Variants in TOGARAM1 observed in about 807,000 individuals in gnomAD.
The protein encoded by TOGARAM1 is TOG array regulator of axonemal microtubules 1.
TOGARAM1 carries 100 observed loss-of-function variants against 166.6 expected under a neutral mutation model. The observed-to-expected ratio is 0.60, with a 90% CI of 0.51 to 0.71. The LOEUF (loss-of-function observed/expected upper bound fraction) is 0.71, where lower values mean the gene tolerates loss of function less well. TOGARAM1 is among the 30% of genes least tolerant of loss of function. The pLI is 0.00. For synonymous variants in TOGARAM1, 758 were observed against 763.8 expected, an observed-to-expected ratio of 0.99 and a Z score of 0.13; for missense variants, 2,029 against 2,102.7, an observed-to-expected ratio of 0.96 and a Z score of 0.69.
chr14:45,035,948 G>GA (rs112836134), intron 11 of TOGARAM1, among the ~76,000 whole-genome samples: 119 of 101,526 alleles, frequency 1.2e-3, no homozygotes, highest in Non-Finnish European at 1.7e-3. Flanking sequence ...CTCATCTCTA[G>GA]AAAAAAAAAA....
At chr14:45,028,030 T>C (rs2138910057) in intron 9 of TOGARAM1, 146 bp from the exon 10 acceptor site, 1 of 544,142 alleles carries the variant, frequency 1.8e-6, no homozygotes, top group East Asian at 3.3e-5. Context: ...TATATACATA[T>C]ATATGTATGG....
intron 10 of TOGARAM1, among the ~76,000 whole-genome samples, chr14:45,031,879 G>T (rs530106611): frequency 6.6e-6 from 1 of 152,158 alleles, no homozygotes; most frequent in South Asian, 2.1e-4. Flanking sequence ...AGGACTCTTG[G>T]CCAGGCATGG....
intron 1 of TOGARAM1, among the ~76,000 whole-genome samples, chr14:44,972,101 C>G (rs1159443874): frequency 6.6e-6 from 1 of 152,036 alleles, no homozygotes; most frequent in Non-Finnish European, 1.5e-5. Flanking sequence ...AAGGGGATAT[C>G]CAACCCCATG....
chr14:45,072,840 G>A (rs1475998511), intron 19 of TOGARAM1, among the ~76,000 whole-genome samples: 1 of 151,998 alleles, frequency 6.6e-6, no homozygotes, highest in African/African-American at 2.4e-5. Context: ...TGAATACAAA[G>A]GGCCATAAAA....
chr14:44,975,114 T>C (rs1398924365), intron 1 of TOGARAM1, among the ~76,000 whole-genome samples: 1 of 152,168 alleles, frequency 6.6e-6, no homozygotes, highest in Admixed American at 6.5e-5. Flanking sequence ...ATAATTTTGC[T>C]CCAAATTGCT....
chr14:45,063,532 T>C (rs547530647), intron 16 of TOGARAM1, among the ~76,000 whole-genome samples: 102 of 142,030 alleles, frequency 7.2e-4, no homozygotes, highest in African/African-American at 2.7e-3. Flanking sequence ...TCGCCCAAGG[T>C]GGAGTACAGT....
Position 45,043,743 on chromosome 14 carries a change from G to A in TOGARAM1, c.3870G>A (p.Glu1290=). 6.2e-7 allele frequency: 1 copy of A among 1,613,678 alleles called. No individual in the cohort carries two copies. Among genetic ancestry groups the A allele is most frequent in the Non-Finnish European group, 8.5e-7 (1 of 1,179,696 alleles). ...FIRCLAAFHS[E]ILNTKLHETN... is the part of the protein sequence containing the mutation. ...GATGCTTAGCTGCTTTTCATTCTGA[G>A]ATACTGAACACAAAGTTGCATGAAA... is the stretch of plus-strand genomic sequence containing the variant. The change falls in exon 12 of 20, where the codon GAG becomes GAA. Residue 1290 remains glutamate (E), a synonymous_variant. Coordinates refer to ENST00000361462, the MANE Select transcript of TOGARAM1 (RefSeq NM_001308120.2).
At chr14:45,030,399 T>A (rs1188777089) in intron 10 of TOGARAM1, among the ~76,000 whole-genome samples, 1 of 152,212 alleles carries the variant, frequency 6.6e-6, no homozygotes, top group Admixed American at 6.5e-5. Flanking sequence ...AATATACTAC[T>A]AATAATTACT....
chr14:45,000,330 TTC>T (rs1478366808), intron 3 of TOGARAM1, among the ~76,000 whole-genome samples: 3 of 152,100 alleles, frequency 2.0e-5, no homozygotes, highest in Non-Finnish European at 4.4e-5. Flanking sequence ...ATTAACTACC[TTC>T]TCTTTATTAC....
intron 14 of TOGARAM1, among the ~76,000 whole-genome samples, chr14:45,050,642 C>T (rs1882316833): frequency 6.6e-6 from 1 of 151,536 alleles, no homozygotes; most frequent in Non-Finnish European, 1.5e-5. Flanking sequence ...TTTTTTCCCC[C>T]AAGACTCTGT....
In TOGARAM1 at chr14:45,066,674, T is replaced by C. The variant is rs758454240; in HGVS notation, c.4656T>C (p.Asn1552=). Residue 1552 remains asparagine, a synonymous_variant, in exon 17 of 20, where the codon AAT becomes AAC. Coordinates refer to ENST00000361462, the MANE Select transcript of TOGARAM1 (RefSeq NM_001308120.2). ...EYLKLITGLL[N]AKDFRDRING... is the part of the protein sequence containing the mutation. ...TTAAACTCATAACTGGCTTATTAAATGCAAAAGACTTTCGTGATCGTATTA... is the reference window on the plus strand; with the variant it reads ...TTAAACTCATAACTGGCTTATTAAACGCAAAAGACTTTCGTGATCGTATTA... 3.7e-6 allele frequency: 6 copies of C among 1,614,012 alleles called. No homozygotes were observed. In the South Asian group the frequency reaches 5.5e-5, roughly 15 times the overall value.
At chr14:45,011,589 A>G (rs752689354) in intron 6 of TOGARAM1, among the ~76,000 whole-genome samples, 1 of 152,046 alleles carries the variant, frequency 6.6e-6, no homozygotes, top group African/African-American at 2.4e-5. Flanking sequence ...TGCTAGGATT[A>G]CAGGCATGAG....
intron 1 of TOGARAM1, among the ~76,000 whole-genome samples, chr14:44,984,315 T>C (rs1886676198): frequency 6.6e-6 from 1 of 151,968 alleles, no homozygotes; most frequent in Non-Finnish European, 1.5e-5. Flanking sequence ...ATTAAAAATA[T>C]ATCCATTTTT....
At chr14:45,068,392 T>C in intron 17 of TOGARAM1, 32 bp from the exon 18 acceptor site, 1 of 1,457,118 alleles carries the variant, frequency 6.9e-7, no homozygotes, top group Non-Finnish European at 9.4e-7. Flanking sequence ...AAAAATCATT[T>C]TACTTTAAAT....
intron 16 of TOGARAM1, among the ~76,000 whole-genome samples, chr14:45,057,285 C>G (rs10147794): frequency 0.046 from 7,044 of 151,970 alleles, 533 homozygotes; most frequent in African/African-American, 0.16. Flanking sequence ...ATGAATCTTG[C>G]GGGGTATGGG....
intron 19 of TOGARAM1, 25 bp downstream of exon 19, chr14:45,071,823 A>G (rs765788328): frequency 6.4e-7 from 1 of 1,551,702 alleles, no homozygotes; most frequent in Non-Finnish European, 8.8e-7. Context: ...ATTTCTAAAG[A>G]AATATTTTAT....
chr14:45,047,125 C>T (rs1882104359), intron 14 of TOGARAM1, among the ~76,000 whole-genome samples: 1 of 152,154 alleles, frequency 6.6e-6, no homozygotes, highest in African/African-American at 2.4e-5. Context: ...GTCGTGGTGG[C>T]TCACGCCTGT....
chr14:45,072,390 T>TA (rs1226013273), intron 19 of TOGARAM1, among the ~76,000 whole-genome samples: 1 of 152,004 alleles, frequency 6.6e-6, no homozygotes, highest in Non-Finnish European at 1.5e-5. Context: ...ATTCCATAGA[T>TA]ATCTGAATTG....
At chr14:44,988,392 G>A (rs1886964061) in intron 1 of TOGARAM1, among the ~76,000 whole-genome samples, 1 of 151,940 alleles carries the variant, frequency 6.6e-6, no homozygotes, top group Non-Finnish European at 1.5e-5. Context: ...CTGCCCATAG[G>A]GTAGACAGTA....
Sources: gnomAD v4.1 joint callset for allele counts (sites outside exome capture counted in the v4.1 genomes callset) on GRCh38, gnomAD v4.1.1 for gene constraint, MANE v1.5 for transcripts, NCBI Gene and HGNC (gene_info 2026-07-23, HGNC 2026-07-21) for gene names.